The following KLHL32 variants were observed in gnomAD, a reference collection of about 807,000 sequenced individuals.
KLHL32 encodes kelch like family member 32, also known as kelch-like protein 32.
In KLHL32, 35 loss-of-function variants were observed where a neutral mutation model predicts 64.8. That is an observed-to-expected ratio of 0.54 (90% CI 0.41 to 0.72). KLHL32 has a LOEUF of 0.72. Ranked by LOEUF, KLHL32 falls within the 30% of genes least tolerant of loss-of-function variation. The pLI is 0.00. For missense variants in KLHL32, 589 were observed against 768.5 expected, an observed-to-expected ratio of 0.77 and a Z score of 2.76; for synonymous variants, 259 against 281.0, an observed-to-expected ratio of 0.92 and a Z score of 0.78.
intron 4 of KLHL32, among the ~76,000 whole-genome samples, chr6:97,043,158 C>T (rs1167786424): frequency 2.0e-5 from 3 of 152,176 alleles, no homozygotes; most frequent in Non-Finnish European, 4.4e-5. Flanking sequence ...CCAAATAAAC[C>T]TCTTTCTTAT....
At chr6:97,005,904 A>G (rs1214709199) in intron 3 of KLHL32, among the ~76,000 whole-genome samples, 1 of 151,950 alleles carries the variant, frequency 6.6e-6, no homozygotes, top group Admixed American at 6.6e-5. Flanking sequence ...TTCTGGCTAA[A>G]TGTGTGCTTG....
intron 6 of KLHL32, among the ~76,000 whole-genome samples, chr6:97,092,540 A>G (rs919892846): frequency 6.6e-6 from 1 of 151,908 alleles, no homozygotes; most frequent in African/African-American, 2.4e-5. Flanking sequence ...TTCTTCTTAG[A>G]TGTTAGTGAA....
At chr6:96,919,061 A>G in the KLHL32 span, among the ~76,000 whole-genome samples, 1 of 152,126 alleles carries the variant, frequency 6.6e-6, no homozygotes, top group African/African-American at 2.4e-5. Context: ...CAGCACAGTG[A>G]GAGATTCATG....
chr6:97,086,795 A>G (rs976753778), intron 6 of KLHL32, among the ~76,000 whole-genome samples: 1 of 152,232 alleles, frequency 6.6e-6, no homozygotes, highest in African/African-American at 2.4e-5. Context: ...ATAAACACAA[A>G]TCAACAGAAT....
intron 4 of KLHL32, among the ~76,000 whole-genome samples, chr6:97,055,066 A>C (rs1290925907): frequency 6.6e-6 from 1 of 152,190 alleles, no homozygotes; most frequent in Non-Finnish European, 1.5e-5. Context: ...TTTCACTTCA[A>C]ATCCATGACC....
chr6:97,132,877 A>G, intron 10 of KLHL32, 130 bp downstream of exon 10: 1 of 600,892 alleles, frequency 1.7e-6, no homozygotes, highest in Non-Finnish European at 2.9e-6. Context: ...TTGTGCAACT[A>G]GTTCAGCCAC....
intron 3 of KLHL32, among the ~76,000 whole-genome samples, chr6:97,039,259 T>C (rs1784761776): frequency 6.6e-6 from 1 of 151,978 alleles, no homozygotes; most frequent in Non-Finnish European, 1.5e-5. Flanking sequence ...TAGAGGTCAT[T>C]ATGTTAAGTG....
intron 5 of KLHL32, among the ~76,000 whole-genome samples, chr6:97,065,165 C>T (rs1245104447): frequency 6.6e-6 from 1 of 152,114 alleles, no homozygotes. Flanking sequence ...TAATTAATTA[C>T]CATGTGAACT....
intron 3 of KLHL32, among the ~76,000 whole-genome samples, chr6:96,989,891 G>T (rs1777642160): frequency 6.6e-6 from 1 of 152,146 alleles, no homozygotes; most frequent in Admixed American, 6.5e-5. Flanking sequence ...TTAAAAAAAA[G>T]TGCGATTATT....
chr6:97,091,299 G>T (rs1341490100), intron 6 of KLHL32, among the ~76,000 whole-genome samples: 1 of 152,190 alleles, frequency 6.6e-6, no homozygotes, highest in Admixed American at 6.5e-5. Flanking sequence ...ACAAATCATG[G>T]CCTCTGTGCC....
At chr6:97,124,244 A>C (rs1798657706) in intron 7 of KLHL32, among the ~76,000 whole-genome samples, 1 of 152,152 alleles carries the variant, frequency 6.6e-6, no homozygotes, top group Non-Finnish European at 1.5e-5. Context: ...TTTGTTAGGC[A>C]CCTCCTGTGG....
At chr6:97,076,680 G>A (rs1791637538) in intron 5 of KLHL32, among the ~76,000 whole-genome samples, 1 of 152,154 alleles carries the variant, frequency 6.6e-6, no homozygotes, top group Admixed American at 6.5e-5. Flanking sequence ...AAATCATGAA[G>A]ACTAAGATGG....
intron 4 of KLHL32, among the ~76,000 whole-genome samples, chr6:97,054,903 C>T (rs1000025984): frequency 4.6e-5 from 7 of 152,064 alleles, no homozygotes; most frequent in Admixed American, 1.3e-4. Context: ...CGTGCCACTG[C>T]GCCCCAGCCT....
At chr6:96,982,450 G>A in intron 3 of KLHL32, among the ~76,000 whole-genome samples, 1 of 152,120 alleles carries the variant, frequency 6.6e-6, no homozygotes, top group East Asian at 1.9e-4. Context: ...GTCATTGCAT[G>A]TGAGATGGGT....
intron 5 of KLHL32, among the ~76,000 whole-genome samples, chr6:97,078,607 C>G (rs773874244): frequency 6.6e-6 from 1 of 152,068 alleles, no homozygotes; most frequent in African/African-American, 2.4e-5. Context: ...TATCTTTAAC[C>G]CAAGTCATAG....
rs909210724 is a variant in KLHL32, at chr6:97,085,161, A to G, written c.447A>G (p.Arg149=). ...GCTTTAATTACTTGGATCTGTACAG[A>G]CTTGCTGACCTCTTTAACCTCACTT... ...LNSFNYLDLY[R]LADLFNLTLL... is the part of the protein sequence containing the mutation. Residue 149 remains arginine, a synonymous_variant, in exon 6 of 11, where the codon AGA becomes AGG. Coordinates refer to ENST00000369261, the MANE Select transcript of KLHL32 (RefSeq NM_052904.4). 71 of 1,613,650 alleles carry G rather than the reference A, an allele frequency of 4.4e-5. No individual in the cohort carries two copies. Among genetic ancestry groups the G allele is most frequent in the Non-Finnish European group, 5.8e-5 (69 of 1,180,000 alleles).
At chr6:97,094,599 G>A (rs377177549) in intron 6 of KLHL32, among the ~76,000 whole-genome samples, 35 of 152,240 alleles carry the variant, frequency 2.3e-4, no homozygotes, top group Admixed American at 6.5e-4. Context: ...TGTTACGTGC[G>A]GTGGCATGTT....
chr6:97,046,052 T>G (rs191007019), intron 4 of KLHL32, among the ~76,000 whole-genome samples: 1 of 152,298 alleles, frequency 6.6e-6, no homozygotes, highest in African/African-American at 2.4e-5. Flanking sequence ...ACCAGAGACT[T>G]ATTCTGACTG....
chr6:96,975,581 A>T (rs900050746), intron 2 of KLHL32, among the ~76,000 whole-genome samples: 9 of 152,158 alleles, frequency 5.9e-5, no homozygotes, highest in African/African-American at 2.2e-4. Context: ...AATTAGAGAG[A>T]GGGGACAGAG....
Sources: allele counts gnomAD v4.1 joint callset (sites outside exome capture counted in the v4.1 genomes callset), GRCh38; gene constraint gnomAD v4.1.1; transcripts MANE v1.5; gene names NCBI Gene and HGNC (gene_info 2026-07-23, HGNC 2026-07-21).